The following MECOM variants were observed in gnomAD, a reference collection of about 807,000 sequenced individuals.
MECOM encodes the protein MDS1 and EVI1 complex locus.
In MECOM, 13 loss-of-function variants were observed where a neutral mutation model predicts 116.3. The ratio of observed to expected loss-of-function variants is 0.11; its 90% CI spans 0.07 to 0.18. The LOEUF is 0.18. Among genes scored for constraint, MECOM ranks in the 10% least tolerant of loss-of-function variants. The pLI, the probability that MECOM is intolerant of heterozygous loss-of-function variation, is 1.00. For missense variants in MECOM, 1,299 were observed against 1,509.0 expected, an observed-to-expected ratio of 0.86 and a Z score of 2.31; for synonymous variants, 528 against 535.2, an observed-to-expected ratio of 0.99 and a Z score of 0.19.
chr3:169,640,679 C>A (rs1197698131), intron 1 of MECOM, among the ~76,000 whole-genome samples: 1 of 152,150 alleles, frequency 6.6e-6, no homozygotes, highest in African/African-American at 2.4e-5. Context: ...TCACCACACC[C>A]TTATGAAGTC....
chr3:169,290,833 T>C (rs927059829), intron 2 of MECOM, among the ~76,000 whole-genome samples: 3 of 152,090 alleles, frequency 2.0e-5, no homozygotes, highest in Admixed American at 2.0e-4. Flanking sequence ...TTACATGGAG[T>C]TCTCTTAAAT....
At chr3:169,193,258 T>C (rs947644631) in intron 2 of MECOM, among the ~76,000 whole-genome samples, 2 of 152,148 alleles carry the variant, frequency 1.3e-5, no homozygotes, top group African/African-American at 2.4e-5. Flanking sequence ...TCAAATTCTA[T>C]AGCAGACTGT....
chr3:169,443,049 A>G (rs1342854854), intron 1 of MECOM, among the ~76,000 whole-genome samples: 1 of 152,160 alleles, frequency 6.6e-6, no homozygotes, highest in Non-Finnish European at 1.5e-5. Context: ...ACAGCATCAA[A>G]AAAAAAATTC....
intron 1 of MECOM, among the ~76,000 whole-genome samples, chr3:169,507,920 A>G (rs956029754): frequency 4.0e-5 from 6 of 151,604 alleles, no homozygotes; most frequent in African/African-American, 7.3e-5. Flanking sequence ...TCGGCCTCCC[A>G]AAGTGCTGGG....
intron 1 of MECOM, among the ~76,000 whole-genome samples, chr3:169,582,309 G>GA (rs1035803406): frequency 1.3e-5 from 2 of 150,970 alleles, no homozygotes; most frequent in South Asian, 2.1e-4. Context: ...TAAAAGAAAG[G>GA]AAAAAAAGAG....
At chr3:169,441,583 A>G (rs545229506) in intron 1 of MECOM, among the ~76,000 whole-genome samples, 1 of 152,198 alleles carries the variant, frequency 6.6e-6, no homozygotes, top group South Asian at 2.1e-4. Flanking sequence ...AGATAACACC[A>G]TGGTATTACG....
At chr3:169,330,099 C>T (rs559224539) in intron 2 of MECOM, among the ~76,000 whole-genome samples, 1 of 152,272 alleles carries the variant, frequency 6.6e-6, no homozygotes, top group African/African-American at 2.4e-5. Context: ...GAACGCAGCT[C>T]TCTGTAGCCT....
intron 2 of MECOM, among the ~76,000 whole-genome samples, chr3:169,286,301 A>G (rs1236585340): frequency 6.6e-6 from 1 of 152,200 alleles, no homozygotes; most frequent in East Asian, 1.9e-4. Context: ...ATTTCCTTCT[A>G]GGCAGCTTCC....
rs1560060877 is a variant in MECOM, at chr3:169,263,104, TATATATATATATATATATATATA to T, written c.375+118060_375+118082del. On this transcript the variant is annotated intron_variant, in intron 2 of 16. Coordinates refer to ENST00000651503, the MANE Select transcript of MECOM (RefSeq NM_004991.4). ...ATATATATATATATATATATATATA[TATATATATATATATATATATATA>T]TGTTTTTTTTTTTTTTTTTGAGACA... Among the ~76,000 whole-genome samples, 233 of 92,886 alleles carry T rather than the reference TATATATATATATATATATATATA, an allele frequency of 2.5e-3. 1 individual carries two copies. Among genetic ancestry groups the T allele is most frequent in the African/African-American group, 0.01 (179 of 17,724 alleles). 60.9% of individuals were successfully genotyped at this position (92,886 alleles called of 152,430 possible).
intron 1 of MECOM, among the ~76,000 whole-genome samples, chr3:169,584,299 C>T (rs1023580352): frequency 6.6e-6 from 1 of 152,086 alleles, no homozygotes; most frequent in Admixed American, 6.6e-5. Context: ...GGCGCGGGGG[C>T]TCACTCCTGT....
intron 1 of MECOM, among the ~76,000 whole-genome samples, chr3:169,599,174 C>T (rs901583901): frequency 6.6e-6 from 1 of 152,104 alleles, no homozygotes; most frequent in African/African-American, 2.4e-5. Context: ...CAACCGATAG[C>T]GAAGAACCCT....
At chr3:169,374,445 A>T (rs368313519) in intron 2 of MECOM, among the ~76,000 whole-genome samples, 40 of 152,104 alleles carry the variant, frequency 2.6e-4, no homozygotes, top group South Asian at 8.3e-4. Context: ...GGATTAAAAA[A>T]ATATATGGAA....
intron 2 of MECOM, among the ~76,000 whole-genome samples, chr3:169,334,722 T>C (rs1399824603): frequency 6.6e-6 from 1 of 152,018 alleles, no homozygotes; most frequent in Admixed American, 6.6e-5. Flanking sequence ...AAGAAGAAAA[T>C]AGCAAATAAA....
chr3:169,139,848 G>A (rs968229054), intron 3 of MECOM, among the ~76,000 whole-genome samples: 2 of 151,854 alleles, frequency 1.3e-5, no homozygotes, highest in African/African-American at 4.8e-5. Flanking sequence ...TGAGAACAGG[G>A]TGAGACCGAC....
intron 10 of MECOM, among the ~76,000 whole-genome samples, chr3:169,105,877 G>A (rs541333392): frequency 5.9e-5 from 9 of 152,032 alleles, no homozygotes; most frequent in Non-Finnish European, 1.2e-4. Context: ...TATCTCTCTA[G>A]TCAAATAAAG....
intron 1 of MECOM, among the ~76,000 whole-genome samples, chr3:169,618,863 G>A (rs1770339902): frequency 6.6e-6 from 1 of 152,042 alleles, no homozygotes; most frequent in African/African-American, 2.4e-5. Flanking sequence ...TAAAAAATAC[G>A]TGAGCATTTC....
chr3:169,383,309 G>A (rs1732782647), intron 1 of MECOM, among the ~76,000 whole-genome samples: 3 of 152,100 alleles, frequency 2.0e-5, no homozygotes, highest in Admixed American at 2.0e-4. Context: ...TGGGACATAG[G>A]TTCTCAACAT....
intron 1 of MECOM, among the ~76,000 whole-genome samples, chr3:169,513,674 TGAG>T (rs1385779508): frequency 6.6e-6 from 1 of 152,210 alleles, no homozygotes; most frequent in African/African-American, 2.4e-5. Flanking sequence ...TTTAAAACCT[TGAG>T]GAGGTGTGAT....
At position 169,116,369 on chromosome 3, in the gene MECOM, G is replaced by T. The variant is rs145851161; in HGVS notation, c.1503C>A (p.His501Gln). 1 of 1,614,106 alleles carries T rather than the reference G, an allele frequency of 6.2e-7. No homozygotes were observed. Among genetic ancestry groups the T allele is most frequent in the Non-Finnish European group, 8.5e-7 (1 of 1,180,046 alleles). ...FPGLFPSGLY[H>Q]RPPLIPASSP... is the part of the protein sequence containing the mutation. ...AACTAGCAGGTATCAAAGGAGGCCT[G>T]TGGTACAAGCCGGAAGGAAACAGAC... is the stretch of plus-strand genomic sequence containing the variant. The change falls in exon 8 of 17, where the codon CAC becomes CAA. Residue 501 changes from histidine (H) to glutamine (Q), a missense_variant. Around this residue, in one of 6 missense-constraint regions of MECOM, gnomAD observed 238 missense variants for 273.1 expected, o/e 0.87. Coordinates refer to ENST00000651503, the MANE Select transcript of MECOM (RefSeq NM_004991.4).
Sources: gnomAD v4.1 joint callset for allele counts (sites outside exome capture counted in the v4.1 genomes callset) on GRCh38, gnomAD v4.1.1 for gene constraint, gnomAD v4.1.1 regional missense constraint, MANE v1.5 for transcripts, NCBI Gene and HGNC (gene_info 2026-07-23, HGNC 2026-07-21) for gene names.